The following JARID2 variants were observed in gnomAD, a reference collection of about 807,000 sequenced individuals.
JARID2 encodes the protein jumonji and AT-rich interaction domain containing 2.
JARID2 carries 21 observed loss-of-function variants against 125.6 expected under a neutral mutation model. The ratio of observed to expected loss-of-function variants is 0.17; its 90% CI spans 0.12 to 0.24. The LOEUF is 0.24. Among genes scored for constraint, JARID2 ranks in the 10% least tolerant of loss-of-function variants. JARID2 has a pLI of 1.00. For missense variants in JARID2, 1,303 were observed against 1,639.6 expected, an observed-to-expected ratio of 0.79 and a Z score of 3.55; for synonymous variants, 736 against 661.6, an observed-to-expected ratio of 1.11 and a Z score of -1.73.
intron 1 of JARID2, among the ~76,000 whole-genome samples, chr6:15,324,826 C>T (rs987958479): frequency 8.7e-5 from 13 of 148,902 alleles, no homozygotes; most frequent in Admixed American, 2.7e-4. Flanking sequence ...GAGCAAAGTA[C>T]GGGTCAGAGG....
At chr6:15,371,650 T>C (rs1264694194) in intron 1 of JARID2, among the ~76,000 whole-genome samples, 1 of 152,206 alleles carries the variant, frequency 6.6e-6, no homozygotes, top group African/African-American at 2.4e-5. Flanking sequence ...TCAGTTGCAT[T>C]TTACTCAGGT....
chr6:15,386,038 T>A (rs889016824), intron 2 of JARID2, among the ~76,000 whole-genome samples: 2 of 152,194 alleles, frequency 1.3e-5, no homozygotes, highest in African/African-American at 4.8e-5. Context: ...AAATTACAAT[T>A]GGGCTTTTAA....
chr6:15,404,647 A>G (rs746739500), intron 2 of JARID2, among the ~76,000 whole-genome samples: 2 of 152,096 alleles, frequency 1.3e-5, no homozygotes, highest in Admixed American at 1.3e-4. Context: ...ACCTTGTCTC[A>G]CAGTGACAGG....
At chr6:15,443,452 T>C (rs954488271) in intron 3 of JARID2, among the ~76,000 whole-genome samples, 14 of 152,310 alleles carry the variant, frequency 9.2e-5, no homozygotes, top group African/African-American at 3.1e-4. Flanking sequence ...GATATCTTTC[T>C]AAAATATATA....
chr6:15,262,487 C>G (rs551406981), intron 1 of JARID2, among the ~76,000 whole-genome samples: 2 of 150,664 alleles, frequency 1.3e-5, no homozygotes, highest in Admixed American at 6.6e-5. Context: ...CTTTGTGTAT[C>G]CAGTCATCAG....
chr6:15,264,176 G>A (rs573854796), intron 1 of JARID2, among the ~76,000 whole-genome samples: 2 of 152,324 alleles, frequency 1.3e-5, no homozygotes, highest in South Asian at 4.1e-4. Context: ...GTGAAGCAGA[G>A]AGTGCGTGTT....
Position 15,300,683 on chromosome 6 carries a change from TTGTG to T in JARID2, c.45+54136_45+54139del, listed in dbSNP as rs35433395. Among the ~76,000 whole-genome samples the T allele has an allele frequency of 3.6e-3, 417 of 114,456 alleles. 1 individual carries two copies. The highest frequency in any genetic ancestry group is 0.014 in the Middle Eastern group (3 of 218). The allele number at this position is 114,456 out of a possible 152,430, so 75.1% of individuals were successfully genotyped here. ...TTTGCAAAGACCCAGTGTCCTCATG[TTGTG>T]TGTGTGTGTGTGTGTGTGTGTGTGT... is the stretch of plus-strand genomic sequence containing the variant. On this transcript the variant is annotated intron_variant, in intron 1 of 17. Coordinates refer to ENST00000341776, the MANE Select transcript of JARID2 (RefSeq NM_004973.4).
Position 15,468,663 on chromosome 6 carries a change from A to T in JARID2, c.615A>T (p.Ser205=). Residue 205 remains serine (S), a synonymous_variant, in exon 5 of 18, where the codon TCA becomes TCT. Coordinates refer to ENST00000341776, the MANE Select transcript of JARID2 (RefSeq NM_004973.4). ...CAGCCACCAACAATGCTTCATCTTC[A>T]TGCCAGTCGACCCCCAGGAAAGGAA... is the stretch of plus-strand genomic sequence containing the variant. ...VKTATNNASS[S]CQSTPRKGKT... The T allele has an allele frequency of 6.2e-7, 1 of 1,614,108 alleles. No individual in the cohort carries two copies.
chr6:15,384,329 C>T (rs773960373), intron 2 of JARID2, among the ~76,000 whole-genome samples: 3 of 151,350 alleles, frequency 2.0e-5, no homozygotes, highest in Non-Finnish European at 4.4e-5. Context: ...TTAGCTGTTC[C>T]TTCGAAAGTC....
At chr6:15,278,198 C>CT (rs76855222) in intron 1 of JARID2, among the ~76,000 whole-genome samples, 36,524 of 151,974 alleles carry the variant, frequency 0.24, 4,586 homozygotes, top group East Asian at 0.4. Flanking sequence ...TGCCACTGCA[C>CT]TCCAGTCTGG....
intron 1 of JARID2, among the ~76,000 whole-genome samples, chr6:15,356,708 A>T (rs1282241879): frequency 3.9e-5 from 6 of 152,172 alleles, no homozygotes; most frequent in African/African-American, 1.2e-4. Context: ...GATTCTTGTT[A>T]TTTATGTTAA....
chr6:15,341,758 A>G (rs1185727186), intron 1 of JARID2, among the ~76,000 whole-genome samples: 3 of 152,254 alleles, frequency 2.0e-5, no homozygotes, highest in Admixed American at 6.5e-5. Flanking sequence ...GCTTAAGGGC[A>G]AGATGACATA....
intron 1 of JARID2, among the ~76,000 whole-genome samples, chr6:15,294,350 A>G (rs1276875161): frequency 6.6e-6 from 1 of 152,052 alleles, no homozygotes; most frequent in Admixed American, 6.6e-5. Context: ...GTGCCAGCAC[A>G]CCCGGCTAAT....
At chr6:15,248,829 CG>C (rs989217400) in intron 1 of JARID2, 2 of 826,812 alleles carry the variant, frequency 2.4e-6, no homozygotes, top group African/African-American at 3.7e-5. Flanking sequence ...CCAGGCGCGG[CG>C]GGGCGGCGGG....
rs762733514 is a variant in JARID2, at chr6:15,517,163, G to A, written c.3453G>A (p.Val1151=). ...ICQHLCYLSM[V]VQENENVVFC... ...GGGTGTCCTGCTCTTGCTTGCAGGTGGTACAAGAGAACGAAAACGTCGTGT... is the reference window on the plus strand; with the variant it reads ...GGGTGTCCTGCTCTTGCTTGCAGGTAGTACAAGAGAACGAAAACGTCGTGT... Residue 1151 remains valine (V), a splice_region_variant and synonymous_variant, in exon 17 of 18, where the codon GTG becomes GTA. Transcript: ENST00000341776. 6.2e-7 allele frequency: 1 copy of A among 1,610,936 alleles called. No individual in the cohort carries two copies. The highest frequency in any genetic ancestry group is 1.1e-5 in the South Asian group (1 of 91,018).
chr6:15,364,496 AG>A (rs1198300253), intron 1 of JARID2, among the ~76,000 whole-genome samples: 1 of 152,224 alleles, frequency 6.6e-6, no homozygotes, highest in East Asian at 1.9e-4. Context: ...TTCCTGCAAG[AG>A]GGGTTTCCTG....
chr6:15,320,721 T>C (rs1762321516), intron 1 of JARID2, among the ~76,000 whole-genome samples: 1 of 152,214 alleles, frequency 6.6e-6, no homozygotes, highest in Non-Finnish European at 1.5e-5. Context: ...AAATAATTAC[T>C]GTATTTCATT....
intron 3 of JARID2, among the ~76,000 whole-genome samples, chr6:15,441,770 CTTTA>C (rs1156351142): frequency 1.3e-5 from 2 of 152,114 alleles, no homozygotes; most frequent in Non-Finnish European, 2.9e-5. Context: ...ACTGGATTTT[CTTTA>C]TTTATTTATT....
At chr6:15,349,872 C>T (rs998844395) in intron 1 of JARID2, among the ~76,000 whole-genome samples, 14 of 152,120 alleles carry the variant, frequency 9.2e-5, no homozygotes, top group Admixed American at 7.2e-4. Flanking sequence ...GGAGATGAGA[C>T]GGACACCGTT....
Sources: gnomAD v4.1 joint callset for allele counts (sites outside exome capture counted in the v4.1 genomes callset) on GRCh38, gnomAD v4.1.1 for gene constraint, MANE v1.5 for transcripts, NCBI Gene and HGNC (gene_info 2026-07-23, HGNC 2026-07-21) for gene names.